ABCC1: variants seen among roughly 807,000 people sequenced by gnomAD.
ABCC1 encodes the protein multidrug resistance-associated protein 1.
Under a neutral mutation model 172.9 loss-of-function variants are expected in ABCC1, and 83 were observed. The ratio of observed to expected loss-of-function variants is 0.48; its 90% CI spans 0.40 to 0.58. The LOEUF (loss-of-function observed/expected upper bound fraction) is 0.58, where lower values mean the gene tolerates loss of function less well. ABCC1 is among the 20% of genes least tolerant of loss of function. ABCC1 has a pLI of 0.00. For missense variants in ABCC1, 1,817 were observed against 2,002.7 expected, an observed-to-expected ratio of 0.91 and a Z score of 1.77; for synonymous variants, 937 against 825.2, an observed-to-expected ratio of 1.14 and a Z score of -2.32.
chr16:15,966,634 T>A (rs914353923), intron 1 of ABCC1, among the ~76,000 whole-genome samples: 3 of 148,288 alleles, frequency 2.0e-5, no homozygotes, highest in Non-Finnish European at 4.5e-5. Context: ...GCAATTGTAG[T>A]TTGCTTTTCT....
At chr16:16,046,384 C>G (rs1377353324) in intron 9 of ABCC1, among the ~76,000 whole-genome samples, 3 of 151,916 alleles carry the variant, frequency 2.0e-5, no homozygotes, top group African/African-American at 4.8e-5. Context: ...TCACTCTCTC[C>G]CCCAGACTGG....
chr16:16,073,681 CG>C (rs2050441617), intron 14 of ABCC1, among the ~76,000 whole-genome samples: 1 of 152,046 alleles, frequency 6.6e-6, no homozygotes, highest in Non-Finnish European at 1.5e-5. Flanking sequence ...TGGCTGAGCC[CG>C]GGAGTTCAAG....
At chr16:16,065,977 G>GT (rs3216337) in intron 12 of ABCC1, among the ~76,000 whole-genome samples, 50,341 of 151,838 alleles carry the variant, frequency 0.33, 8,592 homozygotes, top group East Asian at 0.43. Flanking sequence ...CACCCAGTGG[G>GT]TTTTTTGTAT....
At chr16:16,131,986 T>C in intron 27 of ABCC1, 51 bp downstream of exon 27, 1 of 1,588,256 alleles carries the variant, frequency 6.3e-7, no homozygotes, top group Non-Finnish European at 8.6e-7. Flanking sequence ...GGGCACAGGG[T>C]GCCATCGGGC....
At chr16:16,068,623 C>T (rs35607) in intron 13 of ABCC1, among the ~76,000 whole-genome samples, 123,078 of 152,056 alleles carry the variant, frequency 0.81, 49,951 homozygotes, top group Non-Finnish European at 0.83. Context: ...TTTTAAAAAA[C>T]GTAGCTCTTG....
chr16:16,108,574 CTT>C (rs766959007), intron 21 of ABCC1, among the ~76,000 whole-genome samples: 2 of 137,766 alleles, frequency 1.5e-5, no homozygotes, highest in Admixed American at 7.4e-5. Context: ...TGCGCCCGGC[CTT>C]TTTTTTTTTT....
chr16:16,044,543 C>T lies in ABCC1; in HGVS notation c.903C>T (p.Ile301=), dbSNP rs371536692. 8.1e-6 allele frequency: 13 copies of T among 1,614,152 alleles called. No homozygotes were observed. Among genetic ancestry groups the T allele is most frequent in the Admixed American group, 5.0e-5 (3 of 60,014 alleles). ...CGAATGAGGAGGTGGAGGCTTTGAT[C>T]GTCAAGTCCCCACAGAAGGAGTGGA... ...VDANEEVEAL[I]VKSPQKEWNP... Residue 301 remains isoleucine (I), a synonymous_variant, in exon 8 of 31, where the codon ATC becomes ATT. Transcript: ENST00000399410.
At position 16,016,483 on chromosome 16, in the gene ABCC1, C is replaced by T. The variant is rs981892731; in HGVS notation, c.490-13C>T. 4.3e-6 allele frequency: 7 copies of T among 1,613,768 alleles called. No individual in the cohort carries two copies. Among genetic ancestry groups the T allele is most frequent in the Non-Finnish European group, 5.9e-6 (7 of 1,179,894 alleles). On this transcript the variant is annotated splice_polypyrimidine_tract_variant and intron_variant, in intron 4 of 30. Coordinates refer to ENST00000399410, the MANE Select transcript of ABCC1 (RefSeq NM_004996.4). ...AATGTGATCTTTTTCTTCCTTCCTT[C>T]CCCACCATGTAGGATGCCCAGGTGG...
At chr16:16,057,425 C>A (rs910978367) in intron 12 of ABCC1, among the ~76,000 whole-genome samples, 7 of 151,406 alleles carry the variant, frequency 4.6e-5, no homozygotes, top group Non-Finnish European at 1.0e-4. Flanking sequence ...GCTTTTCCCC[C>A]ACTAGGATGT....
chr16:16,132,517 T>TTTC (rs2045739358), intron 27 of ABCC1, among the ~76,000 whole-genome samples: 2 of 80,870 alleles, frequency 2.5e-5, no homozygotes, highest in African/African-American at 1.0e-4. Flanking sequence ...GTTGTTTTTT[T>TTTC]TTTTTTTTTT....
intron 21 of ABCC1, among the ~76,000 whole-genome samples, chr16:16,107,814 GT>G (rs983433060): frequency 1.3e-4 from 20 of 150,880 alleles, no homozygotes; most frequent in Admixed American, 1.3e-3. Context: ...AATAAATGTG[GT>G]TTTTTTTGTT....
At chr16:16,006,871 C>CGGTGGCGGTGAT (rs2047553834) in intron 1 of ABCC1, among the ~76,000 whole-genome samples, 1 of 148,030 alleles carries the variant, frequency 6.8e-6, no homozygotes, top group Non-Finnish European at 1.5e-5. Context: ...GTGGCGGTGG[C>CGGTGGCGGTGAT]GGTGGCGGTG....
chr16:16,055,302 C>T (rs929345440), intron 11 of ABCC1, among the ~76,000 whole-genome samples: 3 of 152,064 alleles, frequency 2.0e-5, no homozygotes, highest in African/African-American at 7.2e-5. Context: ...CCTGTAATCC[C>T]AGCACTCTGG....
chr16:16,136,283 C>A (rs2045914747), intron 28 of ABCC1, among the ~76,000 whole-genome samples, 195 bp from the exon 29 acceptor site: 1 of 152,124 alleles, frequency 6.6e-6, no homozygotes, highest in African/African-American at 2.4e-5. Flanking sequence ...CTCGGCCTGC[C>A]AAAGTGCTGG....
At chr16:15,951,364 A>G (rs2045867939) in intron 1 of ABCC1, among the ~76,000 whole-genome samples, 1 of 151,956 alleles carries the variant, frequency 6.6e-6, no homozygotes, top group African/African-American at 2.4e-5. Context: ...TAAGAAACTC[A>G]TTCACGAAGT....
chr16:16,004,868 T>TG (rs779979837), intron 1 of ABCC1, among the ~76,000 whole-genome samples: 1 of 150,998 alleles, frequency 6.6e-6, no homozygotes, highest in Non-Finnish European at 1.5e-5. Flanking sequence ...TTATGGGGGG[T>TG]TCTTGCCATG....
chr16:15,982,589 G>T (rs902663709), intron 1 of ABCC1, among the ~76,000 whole-genome samples: 1 of 150,438 alleles, frequency 6.6e-6, no homozygotes, highest in Admixed American at 6.6e-5. Context: ...TATGGGAACT[G>T]CAGTTCAAAA....
intron 23 of ABCC1, among the ~76,000 whole-genome samples, chr16:16,115,492 C>T (rs188482928): frequency 8.5e-5 from 13 of 152,070 alleles, no homozygotes; most frequent in Admixed American, 7.2e-4. Context: ...TTAACAGGTG[C>T]GCACCACCAC....
chr16:16,138,264 C>T, intron 29 of ABCC1, 100 bp from the exon 30 acceptor site: 1 of 1,147,598 alleles, frequency 8.7e-7, no homozygotes, highest in Non-Finnish European at 1.2e-6. Context: ...GGTCAAGCAA[C>T]ATAGAGTGTC....
Sources: allele counts gnomAD v4.1 joint callset (sites outside exome capture counted in the v4.1 genomes callset), GRCh38; gene constraint gnomAD v4.1.1; transcripts MANE v1.5; gene names NCBI Gene and HGNC (gene_info 2026-07-23, HGNC 2026-07-21).